The following LHX6 variants were observed in gnomAD, a reference collection of about 807,000 sequenced individuals.
LHX6 encodes the protein LIM homeobox 6.
In LHX6, 15 loss-of-function variants were observed where a neutral mutation model predicts 47.1. The ratio of observed to expected loss-of-function variants is 0.32; its 90% CI spans 0.21 to 0.49. The LOEUF (loss-of-function observed/expected upper bound fraction) is 0.49. Ranked by LOEUF, LHX6 falls within the 20% of genes least tolerant of loss-of-function variation. The pLI, the probability that LHX6 is intolerant of heterozygous loss-of-function variation, is 0.99. For missense variants in LHX6, 404 were observed against 539.6 expected (o/e 0.75, Z 2.49); for synonymous variants, 242 against 233.5 (o/e 1.04, Z -0.33).
chr9:122,218,824 G>A (rs1418050772), intron 4 of LHX6, among the ~76,000 whole-genome samples: 1 of 152,072 alleles, frequency 6.6e-6, no homozygotes, highest in Non-Finnish European at 1.5e-5. Flanking sequence ...AGGTCTTTAT[G>A]GCCTCCTCTG....
chr9:122,227,605 A>G, intron 1 of LHX6, 125 bp from the exon 2 acceptor site: 1 of 1,371,946 alleles, frequency 7.3e-7, no homozygotes, highest in Non-Finnish European at 9.4e-7. Flanking sequence ...CTAACTTTGT[A>G]GTGGGCATTT....
At position 122,204,478 on chromosome 9, in the gene LHX6, C is replaced by G. The variant is rs1830094603; in HGVS notation, c.*282G>C. The G allele has an allele frequency of 2.4e-6, 1 of 409,778 alleles. No individual in the cohort carries two copies. The highest frequency in any genetic ancestry group is 9.9e-5 in the South Asian group (1 of 10,094). 25.4% of individuals were successfully genotyped at this position (409,778 alleles called of 1,614,324 possible). ...TGTAATCAGCTGAAGTTGAAGAGGA[C>G]TCCTGTTTAAATGGGAAAAACAGGC... On this transcript the variant is annotated 3_prime_UTR_variant, in exon 10 of 10. Transcript: ENST00000394319.
At chr9:122,227,949 T>TCCTGCGCCCCCCCCCCC in intron 1 of LHX6, 1 of 176,980 alleles carries the variant, frequency 5.7e-6, no homozygotes, top group Non-Finnish European at 1.2e-5. Flanking sequence ...TTTTTCTCTC[T>TCCTGCGCCCCCCCCCCC]CCACCCGCCC....
At position 122,204,406 on chromosome 9, in the gene LHX6, A is replaced by C; in HGVS notation, c.*354T>G. 1 of 344,332 alleles carries C rather than the reference A, an allele frequency of 2.9e-6. No individual in the cohort carries two copies. The highest frequency in any genetic ancestry group is 5.2e-6 in the Non-Finnish European group (1 of 191,262). The allele number at this position is 344,332 out of a possible 1,614,324, so 21.3% of individuals were successfully genotyped here. On this transcript the variant is annotated 3_prime_UTR_variant, in exon 10 of 10. Coordinates refer to ENST00000394319, the MANE Select transcript of LHX6 (RefSeq NM_014368.5). ...CAATGTGGGGGAAAAAAACCTGTAA[A>C]TGAGAAGGCCGTTGGCATCGCACAA...
chr9:122,228,482 C>T, intron 1 of LHX6, 175 bp downstream of exon 1: 4 of 1,325,776 alleles, frequency 3.0e-6, no homozygotes, highest in Non-Finnish European at 3.8e-6. Flanking sequence ...TCCCGCTTTC[C>T]GCGACCCCCC....
chr9:122,220,952 A>C (rs1308783252), intron 4 of LHX6: 1 of 291,716 alleles, frequency 3.4e-6, no homozygotes, highest in Non-Finnish European at 5.1e-6. Context: ...GAAAGAGCCC[A>C]TCTGAGTTTC....
At chr9:122,212,243 C>A (rs79215464) in intron 8 of LHX6, among the ~76,000 whole-genome samples, 1 of 152,292 alleles carries the variant, frequency 6.6e-6, no homozygotes, top group African/African-American at 2.4e-5. Flanking sequence ...TGTCACACAG[C>A]TAGTAAATGG....
chr9:122,228,640 GTC>G lies in LHX6; in HGVS notation c.84+15_84+16del. On this transcript the variant is annotated intron_variant, in intron 1 of 9. Transcript: ENST00000394319. ...GACCCCGGCCCGGGCCGCTCACCCA[GTC>G]GTTCGCCGGCTCACCTGGTCGGTGG... 7.7e-7 allele frequency: 1 copy of G among 1,304,538 alleles called. No homozygotes were observed. Among genetic ancestry groups the G allele is most frequent in the Middle Eastern group, 2.9e-4 (1 of 3,448 alleles). The allele number at this position is 1,304,538 out of a possible 1,614,324, so 80.8% of individuals were successfully genotyped here. A position where few individuals can be genotyped will look rare whatever the true frequency, so the allele number is the denominator to read the frequency against.
intron 4 of LHX6, among the ~76,000 whole-genome samples, chr9:122,220,031 G>A (rs1039955605): frequency 1.3e-5 from 2 of 152,348 alleles, no homozygotes; most frequent in Middle Eastern, 3.4e-3. Flanking sequence ...GGGCAAGAGC[G>A]GCTGAGCCTT....
intron 1 of LHX6, chr9:122,227,952 A>ACCCCCCCCCCCCCCCCCCCCCCCCTCCCC: frequency 7.6e-6 from 1 of 131,682 alleles, no homozygotes; most frequent in Non-Finnish European, 1.6e-5. Context: ...TTCTCTCTCC[A>ACCCCCCCCCCCCCCCCCCCCCCCCTCCCC]CCCGCCCCCC....
At position 122,203,887 on chromosome 9, in the gene LHX6, A is replaced by C. The variant is rs1830071511; in HGVS notation, c.*873T>G. 1 of 152,216 alleles carries C rather than the reference A, an allele frequency of 6.6e-6. No individual in the cohort carries two copies. The highest frequency in any genetic ancestry group is 2.1e-4 in the South Asian group (1 of 4,824). 9.4% of individuals were successfully genotyped at this position (152,216 alleles called of 1,614,324 possible). ...AACAAGTGGCCAACAGGGGTCCCCAACTCTAACCTGTCCAAACATTCAGAA... is the reference window on the plus strand; with the variant it reads ...AACAAGTGGCCAACAGGGGTCCCCACCTCTAACCTGTCCAAACATTCAGAA... On this transcript the variant is annotated 3_prime_UTR_variant, in exon 10 of 10. Coordinates refer to ENST00000394319, the MANE Select transcript of LHX6 (RefSeq NM_014368.5).
chr9:122,221,696 C>G, intron 4 of LHX6: 1 of 985,508 alleles, frequency 1.0e-6, no homozygotes, highest in Non-Finnish European at 1.2e-6. Context: ...CCTCTGAGGT[C>G]ACTCCTGCCT....
At chr9:122,215,917 GA>G (rs1406329190) in intron 5 of LHX6, among the ~76,000 whole-genome samples, 1 of 152,158 alleles carries the variant, frequency 6.6e-6, no homozygotes, top group Non-Finnish European at 1.5e-5. Context: ...TGTCCCCTAG[GA>G]AAGCAGGCAG....
At chr9:122,219,500 C>T (rs1157067358) in intron 4 of LHX6, among the ~76,000 whole-genome samples, 2 of 152,184 alleles carry the variant, frequency 1.3e-5, no homozygotes, top group Non-Finnish European at 1.5e-5. Flanking sequence ...GGTTCCGCCA[C>T]CCGGCTGGTG....
Position 122,214,099 on chromosome 9 carries a change from C to T in LHX6, c.784-30G>A, listed in dbSNP as rs772959153. 3.2e-6 allele frequency: 5 copies of T among 1,577,484 alleles called. No individual in the cohort carries two copies. Among genetic ancestry groups the T allele is most frequent in the Non-Finnish European group, 3.4e-6 (4 of 1,164,066 alleles). ...GGGGCGGGGAGGGCGGTGAGGCGCT[C>T]GCACGCAGAGACTCCGAGACCCCGG... On this transcript the variant is annotated intron_variant, in intron 6 of 9. Coordinates refer to ENST00000394319, the MANE Select transcript of LHX6 (RefSeq NM_014368.5). This position sits in a 1 kb window ranked among gnomAD's most constrained non-coding sequence, Gnocchi z 4.6.
intron 4 of LHX6, chr9:122,221,350 G>T: frequency 1.0e-6 from 1 of 985,524 alleles, no homozygotes; most frequent in Non-Finnish European, 1.2e-6. Flanking sequence ...ACAGCTGGCC[G>T]CCGCTGGGCC....
Position 122,214,355 on chromosome 9 carries a change from C to G in LHX6, c.711G>C (p.Val237=). The change falls in exon 6 of 10, where the codon GTG becomes GTC. Residue 237 remains valine, a synonymous_variant. Coordinates refer to ENST00000394319, the MANE Select transcript of LHX6 (RefSeq NM_014368.5). The surrounding 1 kb of genome is among the most constrained non-coding windows in gnomAD (Gnocchi z 4.6). ...NGNGLTLEGA[V]PSEQDSQPKP... ...TGGGTTGACTGTCCTGTTCCGAGGG[C>G]ACTGCCCCCTCCAACGTGAGGCCGT... 6.3e-7 allele frequency: 1 copy of G among 1,583,342 alleles called. No homozygotes were observed. The highest frequency in any genetic ancestry group is 8.6e-7 in the Non-Finnish European group (1 of 1,168,812).
chr9:122,210,318 G>A (rs10985567), intron 8 of LHX6, among the ~76,000 whole-genome samples: 39,389 of 152,018 alleles, frequency 0.26, 5,900 homozygotes, highest in Middle Eastern at 0.38. Context: ...ATATTCATGC[G>A]CATGCAAGCA....
At chr9:122,222,798 C>A (rs1311322174) in intron 4 of LHX6, among the ~76,000 whole-genome samples, 1 of 152,212 alleles carries the variant, frequency 6.6e-6, no homozygotes, top group African/African-American at 2.4e-5. Context: ...GGGGAAAATG[C>A]CAGAGGTTAG....
Sources: gnomAD v4.1 joint callset for allele counts (sites outside exome capture counted in the v4.1 genomes callset) on GRCh38, gnomAD v4.1.1 for gene constraint, Gnocchi (gnomAD v3.1) non-coding constraint, MANE v1.5 for transcripts, NCBI Gene and HGNC (gene_info 2026-07-23, HGNC 2026-07-21) for gene names.